ANO2: variants seen among roughly 807,000 people sequenced by gnomAD.
ANO2 encodes the protein anoctamin 2.
In ANO2, 101 loss-of-function variants were observed where a neutral mutation model predicts 124.2. The ratio of observed to expected loss-of-function variants is 0.81; its 90% CI spans 0.69 to 0.96. ANO2 has a LOEUF of 0.96. ANO2 is among the 40% of genes least tolerant of loss of function. The pLI is 0.00. For synonymous variants in ANO2, 486 were observed against 482.5 expected, an observed-to-expected ratio of 1.01 and a Z score of -0.09; for missense variants, 1,293 against 1,274.5, an observed-to-expected ratio of 1.01 and a Z score of -0.22.
intron 23 of ANO2, among the ~76,000 whole-genome samples, chr12:5,575,279 A>G (rs1942332823): frequency 6.6e-6 from 1 of 152,234 alleles, no homozygotes. Context: ...GGTGAGGACA[A>G]GGCTCTTTGT....
chr12:5,640,669 A>T (rs1377215266), intron 15 of ANO2, among the ~76,000 whole-genome samples: 1 of 152,242 alleles, frequency 6.6e-6, no homozygotes, highest in Admixed American at 6.5e-5. Flanking sequence ...TCAAAACCAC[A>T]ATGAGATACC....
intron 16 of ANO2, among the ~76,000 whole-genome samples, chr12:5,634,910 G>A (rs1302282954): frequency 6.6e-6 from 1 of 152,194 alleles, no homozygotes; most frequent in Non-Finnish European, 1.5e-5. Context: ...TGTCACATGA[G>A]GCAATCAACA....
chr12:5,835,689 G>A lies in ANO2; in HGVS notation c.634-3086C>T, dbSNP rs564383883. On this transcript the variant is annotated intron_variant, in intron 4 of 24. Transcript: ENST00000682330. ...GTGTTCTTGACTGCTTTACTCCACT[G>A]TTTGATTTGTAAAATGTGAGTTGTC... Among the ~76,000 whole-genome samples, 7 of 152,332 alleles carry A rather than the reference G, an allele frequency of 4.6e-5. No homozygotes were observed. The East Asian group carries it at 1.2e-3, about 25-fold the overall frequency.
Position 5,801,451 on chromosome 12 carries a change from C to T in ANO2, c.991-1880G>A, listed in dbSNP as rs1953035934. Among the ~76,000 whole-genome samples the T allele has an allele frequency of 2.0e-5, 3 of 152,172 alleles. No homozygotes were observed. The South Asian group carries it at 6.2e-4, about 32-fold the overall frequency. ...CTCCTACCACATCACACACATTTCA[C>T]GAGGAAATCTGTCAAGGAGAACCTA... is the stretch of plus-strand genomic sequence containing the variant. On this transcript the variant is annotated intron_variant, in intron 9 of 24. Transcript: ENST00000682330.
At chr12:5,762,577 CTAGTT>C (rs1951772121) in intron 10 of ANO2, among the ~76,000 whole-genome samples, 1 of 151,636 alleles carries the variant, frequency 6.6e-6, no homozygotes, top group Non-Finnish European at 1.5e-5. Flanking sequence ...GTAATTTTGT[CTAGTT>C]TAGAGATTAC....
Position 5,873,244 on chromosome 12 carries a change from T to TCTCC in ANO2, c.535-19104_535-19103insGGAG, listed in dbSNP as rs1253108658. Among the ~76,000 whole-genome samples the TCTCC allele has an allele frequency of 1.5e-3, 218 of 141,806 alleles. 6 individuals are homozygous for TCTCC. Among genetic ancestry groups the TCTCC allele is most frequent in the African/African-American group, 5.7e-3 (195 of 34,208 alleles). The allele number at this position is 141,806 out of a possible 152,430, so 93.0% of individuals were successfully genotyped here. On this transcript the variant is annotated intron_variant, in intron 3 of 24. Transcript: ENST00000682330. ...CTCTCTCTCTCTCTCTCTCTCTCTC[T>TCTCC]CTGTCTGTCTCTCTCCCTTTCTCTC...
chr12:5,851,798 G>A (rs1954920399), intron 4 of ANO2, among the ~76,000 whole-genome samples: 2 of 152,004 alleles, frequency 1.3e-5, no homozygotes, highest in Admixed American at 6.6e-5. Flanking sequence ...AGAAGAGAAG[G>A]AAAAGAATGA....
At chr12:5,737,580 G>C (rs777428341) in intron 13 of ANO2, among the ~76,000 whole-genome samples, 1 of 152,146 alleles carries the variant, frequency 6.6e-6, no homozygotes, top group Non-Finnish European at 1.5e-5. Flanking sequence ...CCCCACACAG[G>C]CTTGGAGGCC....
rs1950321897 is a variant in ANO2, at chr12:5,723,569, G to C, written c.1545+8951C>G. Reference sequence around the variant, plus strand: ...GACTGGGGATGTGACTGGGACCAGAGGTGAAAAAGGAGGCCACTCCATGAG... The same window carrying C: ...GACTGGGGATGTGACTGGGACCAGACGTGAAAAAGGAGGCCACTCCATGAG... On this transcript the variant is annotated intron_variant, in intron 14 of 24. Transcript: ENST00000682330. Among the ~76,000 whole-genome samples the C allele has an allele frequency of 2.8e-5, 4 of 140,488 alleles. No homozygotes were observed. In the South Asian group the frequency reaches 1.1e-3, roughly 38 times the overall value. 92.2% of individuals were successfully genotyped at this position (140,488 alleles called of 152,430 possible).
At chr12:5,893,932 T>C (rs995384753) in intron 3 of ANO2, among the ~76,000 whole-genome samples, 3 of 152,222 alleles carry the variant, frequency 2.0e-5, no homozygotes, top group African/African-American at 4.8e-5. Context: ...CTATTGTCAA[T>C]AGTGCTGCAA....
At chr12:5,760,201 T>A (rs1020592594) in intron 10 of ANO2, among the ~76,000 whole-genome samples, 1 of 152,222 alleles carries the variant, frequency 6.6e-6, no homozygotes, top group Non-Finnish European at 1.5e-5. Flanking sequence ...AATTTACCAA[T>A]TCATTATATT....
intron 4 of ANO2, among the ~76,000 whole-genome samples, chr12:5,835,755 G>T (rs1485879144): frequency 6.6e-6 from 1 of 152,176 alleles, no homozygotes; most frequent in Non-Finnish European, 1.5e-5. Context: ...TGCCTCTATT[G>T]TCGTAAGGTC....
intron 20 of ANO2, among the ~76,000 whole-genome samples, chr12:5,581,060 G>A: frequency 6.6e-6 from 1 of 152,180 alleles, no homozygotes; most frequent in East Asian, 1.9e-4. Flanking sequence ...GCTTTGCTGA[G>A]GAATTCACTT....
At chr12:5,873,747 T>C (rs1394467554) in intron 3 of ANO2, among the ~76,000 whole-genome samples, 2 of 152,198 alleles carry the variant, frequency 1.3e-5, no homozygotes, top group Non-Finnish European at 2.9e-5. Context: ...TTGGGAGACA[T>C]TCAGCATTGA....
At chr12:5,806,883 A>T (rs1953212742) in intron 8 of ANO2, among the ~76,000 whole-genome samples, 1 of 152,198 alleles carries the variant, frequency 6.6e-6, no homozygotes, top group Admixed American at 6.5e-5. Flanking sequence ...CCCATACAAA[A>T]TATCACTTTC....
At chr12:5,747,454 T>C (rs1046408524) in intron 11 of ANO2, among the ~76,000 whole-genome samples, 2 of 152,232 alleles carry the variant, frequency 1.3e-5, no homozygotes, top group African/African-American at 4.8e-5. Flanking sequence ...TTTACAATTA[T>C]GTTTAAAAAA....
intron 10 of ANO2, among the ~76,000 whole-genome samples, chr12:5,782,311 A>G (rs1952423510): frequency 6.6e-6 from 1 of 152,176 alleles, no homozygotes; most frequent in South Asian, 2.1e-4. Flanking sequence ...CCTTTTTAAC[A>G]TATCTGTGCC....
At chr12:5,867,423 T>A (rs1322672068) in intron 3 of ANO2, among the ~76,000 whole-genome samples, 2 of 152,176 alleles carry the variant, frequency 1.3e-5, no homozygotes, top group Non-Finnish European at 2.9e-5. Flanking sequence ...TCATATTTAA[T>A]GGATGAAGTG....
chr12:5,591,013 CT>C (rs796979356), intron 20 of ANO2, among the ~76,000 whole-genome samples: 8 of 152,262 alleles, frequency 5.3e-5, no homozygotes, highest in African/African-American at 1.7e-4. Flanking sequence ...AACCCCGTCT[CT>C]ACTAAAAATA....
Sources: allele counts gnomAD v4.1 joint callset (sites outside exome capture counted in the v4.1 genomes callset), GRCh38; gene constraint gnomAD v4.1.1; transcripts MANE v1.5; gene names NCBI Gene and HGNC (gene_info 2026-07-23, HGNC 2026-07-21).